Variants in MORC1 observed in about 807,000 individuals in gnomAD.
MORC1 encodes MORC family CW-type zinc finger protein 1.
A neutral mutation model predicts 134.9 loss-of-function variants in MORC1; 59 were observed. That is an observed-to-expected ratio of 0.44 (90% confidence interval 0.35 to 0.54). The LOEUF is 0.54. Ranked by LOEUF, MORC1 falls within the 20% of genes least tolerant of loss-of-function variation. MORC1 has a pLI of 0.00. For missense variants in MORC1, 947 were observed against 1,134.5 expected, an observed-to-expected ratio of 0.83 and a Z score of 2.37; for synonymous variants, 395 against 391.7, an observed-to-expected ratio of 1.01 and a Z score of -0.10.
rs192663409 is a variant in MORC1 at position 109,100,770 on chromosome 3, C to T, written c.224-263G>A. On this transcript the variant is annotated intron_variant, in intron 4 of 27. Coordinates refer to ENST00000232603, the MANE Select transcript of MORC1 (RefSeq NM_014429.4). ...AAAATATTCAGAAAAAAATAAATTG[C>T]GTCTGGACTGACCACGTACAGACTT... Among the ~76,000 whole-genome samples the T allele has an allele frequency of 2.0e-5, 3 of 152,328 alleles. No homozygotes were observed. In the East Asian group the frequency reaches 5.8e-4, roughly 29 times the overall value.
chr3:109,090,528 G>A (rs1950696709), intron 8 of MORC1, among the ~76,000 whole-genome samples: 2 of 149,524 alleles, frequency 1.3e-5, no homozygotes, highest in East Asian at 4.0e-4. Context: ...GCTGGGGTGG[G>A]AGAATCATTT....
intron 20 of MORC1, among the ~76,000 whole-genome samples, chr3:109,001,083 T>C (rs957599480): frequency 1.1e-4 from 16 of 152,170 alleles, no homozygotes; most frequent in African/African-American, 3.9e-4. Flanking sequence ...GTTTTCTAGA[T>C]TTTCTTAAAG....
intron 3 of MORC1, 82 bp from the exon 4 acceptor site, chr3:109,103,999 G>T: frequency 7.8e-7 from 1 of 1,282,942 alleles, no homozygotes; most frequent in Non-Finnish European, 1.1e-6. Flanking sequence ...ATAATTATTC[G>T]TCTTCCTCCA....
chr3:109,067,591 G>A (rs3804672), intron 9 of MORC1, among the ~76,000 whole-genome samples: 22,976 of 152,126 alleles, frequency 0.15, 1,893 homozygotes, highest in African/African-American at 0.21. Flanking sequence ...CCAAACTCAC[G>A]AGAGAAATTT....
intron 20 of MORC1, among the ~76,000 whole-genome samples, chr3:109,004,125 T>C (rs965849684): frequency 6.6e-6 from 1 of 152,162 alleles, no homozygotes; most frequent in African/African-American, 2.4e-5. Context: ...AGACCATGCA[T>C]AAAATATCTT....
intron 16 of MORC1, among the ~76,000 whole-genome samples, 171 bp from the exon 17 acceptor site, chr3:109,028,060 T>A (rs1949128695): frequency 6.6e-6 from 1 of 152,108 alleles, no homozygotes; most frequent in Non-Finnish European, 1.5e-5. Context: ...TAACCTTACA[T>A]CTCCAATTTG....
Position 109,094,899 on chromosome 3 carries a change from A to G in MORC1, c.583+10T>C. The G allele has an allele frequency of 6.5e-7, 1 of 1,545,706 alleles. No homozygotes were observed. Among genetic ancestry groups the G allele is most frequent in the East Asian group, 2.3e-5 (1 of 42,628 alleles). On this transcript the variant is annotated intron_variant, in intron 7 of 27. Transcript: ENST00000232603. ...CTTCCATCAAATTGTCAGAGTTTTG[A>G]TGATCTTACCACATTTTCCATAGAT...
At chr3:108,982,470 C>T (rs1947755768) in intron 23 of MORC1, among the ~76,000 whole-genome samples, 1 of 150,792 alleles carries the variant, frequency 6.6e-6, no homozygotes, top group African/African-American at 2.4e-5. Context: ...TATTGTGGCA[C>T]TATTCACAAT....
chr3:109,086,496 T>C (rs1453485385), intron 8 of MORC1, among the ~76,000 whole-genome samples: 1 of 151,986 alleles, frequency 6.6e-6, no homozygotes, highest in African/African-American at 2.4e-5. Context: ...ACCTGATGGA[T>C]TGTGTTCATG....
intron 14 of MORC1, among the ~76,000 whole-genome samples, chr3:109,050,311 CTCA>C (rs1949791910): frequency 6.6e-6 from 1 of 152,204 alleles, no homozygotes; most frequent in African/African-American, 2.4e-5. Flanking sequence ...ACATTTATTT[CTCA>C]CAGTTCTGGA....
intron 8 of MORC1, among the ~76,000 whole-genome samples, chr3:109,073,286 A>T (rs1338361299): frequency 6.6e-6 from 1 of 152,128 alleles, no homozygotes; most frequent in Non-Finnish European, 1.5e-5. Flanking sequence ...GCAGTGAAGG[A>T]GCCAGAAACT....
chr3:108,980,933 A>C (rs1208989222), intron 23 of MORC1, among the ~76,000 whole-genome samples: 1 of 152,150 alleles, frequency 6.6e-6, no homozygotes, highest in Non-Finnish European at 1.5e-5. Context: ...GGAGGGAACT[A>C]GAGTTTCTTT....
intron 12 of MORC1, among the ~76,000 whole-genome samples, chr3:109,058,779 A>G (rs1371476529): frequency 6.6e-6 from 1 of 152,094 alleles, no homozygotes; most frequent in Non-Finnish European, 1.5e-5. Context: ...ACAGGATACG[A>G]CATAGTCACT....
At chr3:108,997,338 C>A (rs1019148415) in intron 21 of MORC1, among the ~76,000 whole-genome samples, 5 of 152,020 alleles carry the variant, frequency 3.3e-5, no homozygotes, top group African/African-American at 1.2e-4. Context: ...TTTGGGCCAG[C>A]CTTGCCAAGA....
intron 24 of MORC1, among the ~76,000 whole-genome samples, chr3:108,978,734 A>C (rs956649243): frequency 6.6e-6 from 1 of 152,148 alleles, no homozygotes; most frequent in Non-Finnish European, 1.5e-5. Context: ...TGACGAAAAA[A>C]TCAAGTAGCT....
intron 3 of MORC1, among the ~76,000 whole-genome samples, chr3:109,108,940 C>T (rs561296721): frequency 1.3e-5 from 2 of 151,410 alleles, no homozygotes; most frequent in African/African-American, 4.8e-5. Context: ...ACTTAGAAAA[C>T]TGACACTGCT....
At chr3:109,046,766 A>G (rs1288191810) in intron 14 of MORC1, among the ~76,000 whole-genome samples, 2 of 152,232 alleles carry the variant, frequency 1.3e-5, no homozygotes, top group African/African-American at 2.4e-5. Flanking sequence ...TATAGGATAC[A>G]TACAGATAGT....
chr3:109,034,403 G>A (rs969464596), intron 15 of MORC1, among the ~76,000 whole-genome samples: 2 of 152,134 alleles, frequency 1.3e-5, no homozygotes, highest in Non-Finnish European at 2.9e-5. Flanking sequence ...GCCCCTTTGT[G>A]TAGTGGCTAG....
At chr3:109,090,170 G>C (rs375472806) in intron 8 of MORC1, among the ~76,000 whole-genome samples, 5 of 151,830 alleles carry the variant, frequency 3.3e-5, no homozygotes, top group African/African-American at 1.2e-4. Flanking sequence ...CCAAACCACA[G>C]GCCACCACTG....
Sources: gnomAD v4.1 joint callset for allele counts (sites outside exome capture counted in the v4.1 genomes callset) on GRCh38, gnomAD v4.1.1 for gene constraint, MANE v1.5 for transcripts, NCBI Gene and HGNC (gene_info 2026-07-23, HGNC 2026-07-21) for gene names.